BNC2: variants seen among roughly 807,000 people sequenced by gnomAD.
BNC2 encodes the protein zinc finger protein basonuclin-2.
BNC2 carries 20 observed loss-of-function variants against 76.3 expected under a neutral mutation model. The ratio of observed to expected loss-of-function variants is 0.26; its 90% confidence interval spans 0.18 to 0.38. BNC2 has a LOEUF of 0.38. Among genes scored for constraint, BNC2 ranks in the 10% least tolerant of loss-of-function variants. The pLI, the probability that BNC2 is intolerant of heterozygous loss-of-function variation, is 1.00. For missense variants in BNC2, 1,382 were observed against 1,399.8 expected, an observed-to-expected ratio of 0.99 and a Z score of 0.20; for synonymous variants, 582 against 514.8, an observed-to-expected ratio of 1.13 and a Z score of -1.77.
intron 5 of BNC2, among the ~76,000 whole-genome samples, chr9:16,549,014 G>A (rs745881212): frequency 9.9e-5 from 15 of 152,170 alleles, no homozygotes; most frequent in Non-Finnish European, 1.6e-4. Flanking sequence ...ATCCTTGACC[G>A]ATGTGCCAGC....
chr9:16,454,925 T>C (rs765503269), intron 5 of BNC2, among the ~76,000 whole-genome samples: 2 of 152,210 alleles, frequency 1.3e-5, no homozygotes, highest in Non-Finnish European at 2.9e-5. Context: ...TGTTACAGAA[T>C]TGTTTATAGT....
intron 1 of BNC2, among the ~76,000 whole-genome samples, chr9:16,749,959 T>C (rs538565218): frequency 1.3e-5 from 2 of 152,116 alleles, no homozygotes; most frequent in African/African-American, 4.8e-5. Flanking sequence ...CCCTAGAACA[T>C]AAGCTCTAAG....
intron 5 of BNC2, among the ~76,000 whole-genome samples, chr9:16,458,991 C>T (rs1276317842): frequency 1.3e-5 from 2 of 152,208 alleles, no homozygotes; most frequent in Non-Finnish European, 2.9e-5. Flanking sequence ...CAAAAGAAAA[C>T]ACATTCCTTC....
chr9:16,523,946 C>T (rs1406243814), intron 5 of BNC2, among the ~76,000 whole-genome samples: 1 of 152,060 alleles, frequency 6.6e-6, no homozygotes, highest in Non-Finnish European at 1.5e-5. Context: ...GACAACAATT[C>T]CATCTCAAAA....
chr9:16,805,995 A>G (rs893129962), intron 1 of BNC2, among the ~76,000 whole-genome samples: 4 of 152,234 alleles, frequency 2.6e-5, no homozygotes, highest in African/African-American at 7.2e-5. Context: ...TGCTTCCCCA[A>G]TGAAGCAGAG....
At chr9:16,851,635 A>G (rs1819129400) in intron 1 of BNC2, among the ~76,000 whole-genome samples, 1 of 152,260 alleles carries the variant, frequency 6.6e-6, no homozygotes, top group South Asian at 2.1e-4. Context: ...TTTTCATAGC[A>G]ATGAATTCTA....
At chr9:16,475,489 A>C (rs977192781) in intron 5 of BNC2, among the ~76,000 whole-genome samples, 1 of 152,150 alleles carries the variant, frequency 6.6e-6, no homozygotes, top group African/African-American at 2.4e-5. Context: ...CAGCTCACTT[A>C]AGCATCCACT....
At chr9:16,716,468 T>C (rs1823999892) in intron 3 of BNC2, among the ~76,000 whole-genome samples, 1 of 152,144 alleles carries the variant, frequency 6.6e-6, no homozygotes, top group African/African-American at 2.4e-5. Context: ...TTTTTTTACA[T>C]GAAAGCAATT....
chr9:16,725,215 T>TCTCA (rs1554717015), intron 3 of BNC2, among the ~76,000 whole-genome samples: 1,814 of 59,502 alleles, frequency 0.03, 25 homozygotes, highest in African/African-American at 0.074. Context: ...AGTCTCTCTC[T>TCTCA]CTCACACACA....
chr9:16,758,869 A>G (rs1384946322), intron 1 of BNC2, among the ~76,000 whole-genome samples: 1 of 152,184 alleles, frequency 6.6e-6, no homozygotes, highest in Non-Finnish European at 1.5e-5. Context: ...TGAAGAATCA[A>G]CTGGTTGTAT....
chr9:16,418,902 C>A lies in BNC2; in HGVS notation c.*87G>T, dbSNP rs1037860000. The stretch of plus-strand genomic sequence containing the variant: ...ACACACACACACACACACACACACC[C>A]CAAGTACATAAGCGCACACTGACTA... On this transcript the variant is annotated 3_prime_UTR_variant, in exon 7 of 7. Coordinates refer to ENST00000380672, the MANE Select transcript of BNC2 (RefSeq NM_017637.6). The A allele has an allele frequency of 4.1e-4, 594 of 1,452,200 alleles. 3 individuals carry two copies. In the African/African-American group the frequency reaches 7.1e-3, roughly 17 times the overall value. 90.0% of individuals were successfully genotyped at this position (1,452,200 alleles called of 1,614,324 possible). A position where few individuals can be genotyped will look rare whatever the true frequency, so the allele number is the denominator to read the frequency against.
intron 1 of BNC2, among the ~76,000 whole-genome samples, chr9:16,843,353 G>A (rs1318908413): frequency 2.0e-5 from 3 of 152,214 alleles, no homozygotes; most frequent in African/African-American, 4.8e-5. Context: ...TGTGTGAGAC[G>A]GAGTCTTGCT....
At chr9:16,598,459 T>C (rs895944416) in intron 3 of BNC2, among the ~76,000 whole-genome samples, 16 of 152,226 alleles carry the variant, frequency 1.1e-4, no homozygotes, top group Non-Finnish European at 2.4e-4. Context: ...CAAAAGTTGC[T>C]GTTCAGAAAT....
intron 6 of BNC2, among the ~76,000 whole-genome samples, chr9:16,434,051 T>C (rs940888028): frequency 6.6e-6 from 1 of 152,152 alleles, no homozygotes; most frequent in Non-Finnish European, 1.5e-5. Context: ...AACTTGGAAC[T>C]GAAATAACGT....
intron 5 of BNC2, among the ~76,000 whole-genome samples, chr9:16,469,282 T>A (rs960872917): frequency 6.6e-6 from 1 of 152,174 alleles, no homozygotes; most frequent in African/African-American, 2.4e-5. Flanking sequence ...TCTCCCAGAA[T>A]TCCCACATGT....
intron 5 of BNC2, among the ~76,000 whole-genome samples, chr9:16,532,973 C>T (rs1818027512): frequency 6.6e-6 from 1 of 152,162 alleles, no homozygotes. Context: ...TATTGTAATG[C>T]TACCAACACA....
chr9:16,755,334 T>C (rs1174736106), intron 1 of BNC2, among the ~76,000 whole-genome samples: 1 of 151,940 alleles, frequency 6.6e-6, no homozygotes, highest in Non-Finnish European at 1.5e-5. Context: ...GAAAGGAGGC[T>C]GTGGGGGGAC....
intron 5 of BNC2, among the ~76,000 whole-genome samples, chr9:16,464,530 G>T (rs1007674643): frequency 1.3e-5 from 2 of 152,082 alleles, no homozygotes; most frequent in South Asian, 4.2e-4. Flanking sequence ...GACAGGGAGG[G>T]GCATCTCTTT....
rs147622748 is a variant in BNC2 at position 16,682,318 on chromosome 9, A to G, written c.330+45479T>C. Among the ~76,000 whole-genome samples, 56 of 102,912 alleles carry G rather than the reference A, an allele frequency of 5.4e-4. 3 individuals are homozygous for G. Among genetic ancestry groups the G allele is most frequent in the Middle Eastern group, 4.8e-3 (1 of 210 alleles). 67.5% of individuals were successfully genotyped at this position (102,912 alleles called of 152,430 possible). On this transcript the variant is annotated intron_variant, in intron 3 of 6. Transcript: ENST00000380672. ...CTTCTCCAACATCATAGGAATTTAA[A>G]TCCGTTCATAGTGATCGACAGACTT...
Sources: allele counts gnomAD v4.1 joint callset (sites outside exome capture counted in the v4.1 genomes callset), GRCh38; gene constraint gnomAD v4.1.1; transcripts MANE v1.5; gene names NCBI Gene and HGNC (gene_info 2026-07-23, HGNC 2026-07-21).